The following RERE variants were observed in gnomAD, a reference collection of about 807,000 sequenced individuals.
The protein encoded by RERE is arginine-glutamic acid dipeptide repeats protein.
In RERE, 40 loss-of-function variants were observed where a neutral mutation model predicts 146.1. That is an observed-to-expected ratio of 0.27 (90% CI 0.21 to 0.36). The LOEUF (loss-of-function observed/expected upper bound fraction) is 0.36, where lower values mean the gene tolerates loss of function less well. Among genes scored for constraint, RERE ranks in the 10% least tolerant of loss-of-function variants. The pLI is 1.00. For synonymous variants in RERE, 1,003 were observed against 866.0 expected, an observed-to-expected ratio of 1.16 and a Z score of -2.78; for missense variants, 1,933 against 2,138.7, an observed-to-expected ratio of 0.90 and a Z score of 1.90.
intron 1 of RERE, among the ~76,000 whole-genome samples, chr1:8,747,370 G>A (rs1431442796): frequency 1.3e-5 from 2 of 152,162 alleles, no homozygotes; most frequent in African/African-American, 2.4e-5. Flanking sequence ...GGGTGGGCAT[G>A]GAAGTGGGAG....
chr1:8,733,838 C>T (rs779878062), intron 1 of RERE, among the ~76,000 whole-genome samples: 18 of 152,156 alleles, frequency 1.2e-4, no homozygotes, highest in Non-Finnish European at 1.9e-4. Flanking sequence ...TGGCTGGGCA[C>T]GGTGGCTCAC....
chr1:8,372,695 A>T (rs1230974400), intron 12 of RERE, among the ~76,000 whole-genome samples: 2 of 152,228 alleles, frequency 1.3e-5, no homozygotes, highest in African/African-American at 4.8e-5. Flanking sequence ...TGCTGGCCTT[A>T]CGGCTATGTT....
chr1:8,595,581 T>C (rs2124117269), intron 4 of RERE, among the ~76,000 whole-genome samples: 1 of 152,102 alleles, frequency 6.6e-6, no homozygotes, highest in Middle Eastern at 3.4e-3. Flanking sequence ...TTTCCTGTCA[T>C]ATTTTCCCTT....
intron 12 of RERE, among the ~76,000 whole-genome samples, chr1:8,395,836 C>T (rs1044538360): frequency 6.6e-6 from 1 of 152,076 alleles, no homozygotes; most frequent in African/African-American, 2.4e-5. Context: ...AGGTTCCATG[C>T]CTGAGTTGTG....
At chr1:8,459,932 A>T (rs1644504338) in intron 11 of RERE, among the ~76,000 whole-genome samples, 1 of 152,212 alleles carries the variant, frequency 6.6e-6, no homozygotes, top group African/African-American at 2.4e-5. Flanking sequence ...AATAAATATA[A>T]CTAACCCTTC....
At chr1:8,792,192 T>G (rs1641376192) in intron 1 of RERE, among the ~76,000 whole-genome samples, 1 of 152,158 alleles carries the variant, frequency 6.6e-6, no homozygotes, top group Admixed American at 6.5e-5. Flanking sequence ...CCCATTAAGT[T>G]TATAATTGAA....
intron 1 of RERE, among the ~76,000 whole-genome samples, chr1:8,800,785 T>C (rs968502201): frequency 5.3e-5 from 8 of 151,740 alleles, no homozygotes; most frequent in Admixed American, 6.6e-5. Context: ...GCCAACACAG[T>C]GAAACCCCAT....
intron 7 of RERE, among the ~76,000 whole-genome samples, chr1:8,529,410 C>G (rs1171769026): frequency 2.0e-5 from 3 of 150,490 alleles, no homozygotes; most frequent in Non-Finnish European, 4.4e-5. Flanking sequence ...CTGCCTCAGT[C>G]TCCCGAGTAG....
At chr1:8,733,961 T>C (rs561303921) in intron 1 of RERE, among the ~76,000 whole-genome samples, 2 of 152,102 alleles carry the variant, frequency 1.3e-5, no homozygotes, top group Middle Eastern at 3.4e-3. Context: ...AAATTAGCCA[T>C]GCATGGTGGT....
chr1:8,703,380 G>A (rs1017256646), intron 1 of RERE, among the ~76,000 whole-genome samples: 2 of 151,606 alleles, frequency 1.3e-5, no homozygotes, highest in Non-Finnish European at 2.9e-5. Context: ...CCGGGAGGCC[G>A]GGCCAGCACT....
chr1:8,413,338 A>T (rs1010216782), intron 12 of RERE, among the ~76,000 whole-genome samples: 3 of 152,106 alleles, frequency 2.0e-5, no homozygotes, highest in African/African-American at 7.2e-5. Context: ...ATAAATTTTA[A>T]TTTTGTTTTT....
intron 1 of RERE, among the ~76,000 whole-genome samples, chr1:8,777,499 T>C (rs1454141413): frequency 1.3e-5 from 2 of 151,858 alleles, no homozygotes; most frequent in Non-Finnish European, 2.9e-5. Flanking sequence ...AGACAGTAGT[T>C]TGAGACAGGT....
chr1:8,446,775 G>T (rs575466250), intron 11 of RERE, among the ~76,000 whole-genome samples: 6 of 152,086 alleles, frequency 3.9e-5, no homozygotes, highest in Non-Finnish European at 7.4e-5. Context: ...CCGGGTTCAC[G>T]CCATTCTCCT....
chr1:8,607,222 T>C (rs1291699287), intron 4 of RERE, among the ~76,000 whole-genome samples: 2 of 151,866 alleles, frequency 1.3e-5, no homozygotes, highest in Non-Finnish European at 2.9e-5. Context: ...TAGCTGGGTA[T>C]GGTGGCAGGC....
At chr1:8,502,589 C>T (rs1406420615) in intron 8 of RERE, among the ~76,000 whole-genome samples, 5 of 148,438 alleles carry the variant, frequency 3.4e-5, no homozygotes, top group Non-Finnish European at 7.4e-5. Context: ...GGGAGGTGTG[C>T]CCAGCGGCTC....
chr1:8,813,232 G>T (rs960662275), intron 1 of RERE, among the ~76,000 whole-genome samples: 3 of 152,222 alleles, frequency 2.0e-5, no homozygotes, highest in Admixed American at 6.5e-5. Flanking sequence ...GTATGTGTGT[G>T]TAACGAAGTT....
chr1:8,498,905 G>A (rs561900454), intron 8 of RERE, among the ~76,000 whole-genome samples: 164 of 151,890 alleles, frequency 1.1e-3, no homozygotes, highest in African/African-American at 3.6e-3. Flanking sequence ...GAATCATCAC[G>A]GCAGATTGAA....
chr1:8,790,553 T>G (rs1641345567), intron 1 of RERE, among the ~76,000 whole-genome samples: 1 of 152,208 alleles, frequency 6.6e-6, no homozygotes, highest in Admixed American at 6.5e-5. Context: ...ATCCTTCATA[T>G]AGAAATAAAC....
Position 8,687,422 on chromosome 1 carries a change from AG to A in RERE, c.-144-30982del, listed in dbSNP as rs200521484. Among the ~76,000 whole-genome samples, 692 of 152,314 alleles carry A rather than the reference AG, an allele frequency of 4.5e-3. 6 individuals are homozygous for A. The highest frequency in any genetic ancestry group is 0.016 in the African/African-American group (664 of 41,572). ...AGTATAAAAGGACAATGTATGAAACAGGCATCTAAGAAACTGCATAAGTGAA... is the reference window on the plus strand; with the variant it reads ...AGTATAAAAGGACAATGTATGAAACAGCATCTAAGAAACTGCATAAGTGAA... On this transcript the variant is annotated intron_variant, in intron 1 of 22. Transcript: ENST00000400908.
Sources: allele counts gnomAD v4.1 joint callset (sites outside exome capture counted in the v4.1 genomes callset), GRCh38; gene constraint gnomAD v4.1.1; transcripts MANE v1.5; gene names NCBI Gene and HGNC (gene_info 2026-07-23, HGNC 2026-07-21).